The following FOXN3 variants were observed in gnomAD, a reference collection of about 807,000 sequenced individuals.
FOXN3 encodes forkhead box N3.
A neutral mutation model predicts 38.4 loss-of-function variants in FOXN3; 7 were observed. The observed-to-expected ratio is 0.18, with a 90% CI of 0.10 to 0.34. The LOEUF is 0.34. Ranked by LOEUF, FOXN3 falls within the 10% of genes least tolerant of loss-of-function variation. FOXN3 has a pLI of 1.00. For synonymous variants in FOXN3, 230 were observed against 242.2 expected (o/e 0.95, Z 0.47); for missense variants, 456 against 613.4 (o/e 0.74, Z 2.71).
At chr14:89,410,273 C>T (rs919947738) in intron 2 of FOXN3, among the ~76,000 whole-genome samples, 13 of 152,004 alleles carry the variant, frequency 8.6e-5, no homozygotes, top group African/African-American at 2.9e-4. Flanking sequence ...TGACATGTTG[C>T]CAGAGAGAAA....
chr14:89,433,708 G>A (rs1892213687), intron 1 of FOXN3, among the ~76,000 whole-genome samples: 1 of 151,144 alleles, frequency 6.6e-6, no homozygotes, highest in Non-Finnish European at 1.5e-5. Flanking sequence ...GGAGGCTGAG[G>A]CAGTAGAATC....
chr14:89,240,061 T>C (rs1298109097), intron 4 of FOXN3, among the ~76,000 whole-genome samples: 2 of 152,118 alleles, frequency 1.3e-5, no homozygotes, highest in African/African-American at 4.8e-5. Context: ...TTACTAAGTA[T>C]CAAAAAGATA....
At chr14:89,375,536 A>G (rs1164087745) in intron 2 of FOXN3, among the ~76,000 whole-genome samples, 1 of 152,230 alleles carries the variant, frequency 6.6e-6, no homozygotes, top group Non-Finnish European at 1.5e-5. Context: ...TAATAGCAAG[A>G]CAGTATAATT....
intron 4 of FOXN3, among the ~76,000 whole-genome samples, chr14:89,181,016 G>A (rs954967892): frequency 1.0e-3 from 152 of 149,254 alleles, no homozygotes; most frequent in African/African-American, 3.0e-3. Flanking sequence ...TCATGCACGC[G>A]CACACACACA....
chr14:89,359,900 G>A (rs531064220), intron 2 of FOXN3, among the ~76,000 whole-genome samples: 1 of 152,166 alleles, frequency 6.6e-6, no homozygotes, highest in Non-Finnish European at 1.5e-5. Flanking sequence ...GTTCTCTCAC[G>A]GATCCTTGAG....
At chr14:89,401,969 A>C (rs534400822) in intron 2 of FOXN3, among the ~76,000 whole-genome samples, 2 of 152,266 alleles carry the variant, frequency 1.3e-5, no homozygotes, top group South Asian at 4.1e-4. Flanking sequence ...TGCTGAGTTC[A>C]CAAGGAAAGG....
intron 4 of FOXN3, among the ~76,000 whole-genome samples, chr14:89,249,919 G>A (rs1021810893): frequency 2.0e-5 from 3 of 152,142 alleles, no homozygotes; most frequent in Non-Finnish European, 4.4e-5. Flanking sequence ...AATTTCAATG[G>A]CCATCAATAA....
At chr14:89,531,089 TAC>T (rs1035803346) in intron 1 of FOXN3, among the ~76,000 whole-genome samples, 99 of 146,388 alleles carry the variant, frequency 6.8e-4, no homozygotes, top group Non-Finnish European at 1.2e-3. Context: ...CACATATATA[TAC>T]ACACACATAT....
intron 1 of FOXN3, among the ~76,000 whole-genome samples, chr14:89,523,629 G>C (rs1894366464): frequency 6.6e-6 from 1 of 152,226 alleles, no homozygotes; most frequent in South Asian, 2.1e-4. Context: ...AGAAAAATCA[G>C]AAAGTACTTC....
At chr14:89,338,006 G>A (rs933418355) in intron 3 of FOXN3, among the ~76,000 whole-genome samples, 3 of 152,116 alleles carry the variant, frequency 2.0e-5, no homozygotes, top group African/African-American at 7.2e-5. Context: ...TCAACAGCCT[G>A]GAATTTATAA....
At chr14:89,192,309 TTATATATGATCATTAATAAAATA>T (rs1217686195) in intron 4 of FOXN3, among the ~76,000 whole-genome samples, 5 of 146,270 alleles carry the variant, frequency 3.4e-5, no homozygotes, top group East Asian at 3.9e-4. Flanking sequence ...ATGCATACTA[TTATATATGATCATTAATAAAATA>T]TATAGTTATA....
At chr14:89,514,397 C>T (rs1894161659) in intron 1 of FOXN3, among the ~76,000 whole-genome samples, 1 of 152,212 alleles carries the variant, frequency 6.6e-6, no homozygotes, top group Non-Finnish European at 1.5e-5. Context: ...ATCCACACCT[C>T]CTTCCTAAGG....
chr14:89,423,970 T>C (rs1277180257), intron 1 of FOXN3, among the ~76,000 whole-genome samples: 2 of 152,208 alleles, frequency 1.3e-5, no homozygotes, highest in Non-Finnish European at 2.9e-5. Context: ...GACTCCAGCC[T>C]ATTAGATTCA....
intron 5 of FOXN3, among the ~76,000 whole-genome samples, chr14:89,172,673 G>T (rs1158267867): frequency 1.3e-5 from 2 of 152,080 alleles, no homozygotes; most frequent in Non-Finnish European, 2.9e-5. Flanking sequence ...ATATGAAATA[G>T]GACCAAGAGT....
At chr14:89,300,332 G>A (rs968236254) in intron 3 of FOXN3, among the ~76,000 whole-genome samples, 8 of 151,920 alleles carry the variant, frequency 5.3e-5, no homozygotes, top group African/African-American at 1.9e-4. Flanking sequence ...ACAGGCACCC[G>A]CCATCATGCC....
At chr14:89,244,532 G>A (rs1370366086) in intron 4 of FOXN3, among the ~76,000 whole-genome samples, 3 of 152,150 alleles carry the variant, frequency 2.0e-5, no homozygotes, top group African/African-American at 4.8e-5. Flanking sequence ...TATAGGTTCT[G>A]GGCATATGCT....
chr14:89,489,254 A>C (rs1464043124), intron 1 of FOXN3, among the ~76,000 whole-genome samples: 1 of 152,166 alleles, frequency 6.6e-6, no homozygotes, highest in Non-Finnish European at 1.5e-5. Flanking sequence ...TGGAAATTTA[A>C]ATAAGAAAAT....
intron 1 of FOXN3, among the ~76,000 whole-genome samples, chr14:89,580,668 G>A (rs1895723054): frequency 6.6e-6 from 1 of 152,146 alleles, no homozygotes; most frequent in African/African-American, 2.4e-5. Flanking sequence ...TGTTCCCTAA[G>A]GATCTTGACC....
chr14:89,413,507 G>C (rs1891600050), intron 1 of FOXN3, among the ~76,000 whole-genome samples: 1 of 152,022 alleles, frequency 6.6e-6, no homozygotes, highest in African/African-American at 2.4e-5. Context: ...GGTGGCATGT[G>C]CCTGTAGTCC....
Sources: allele counts gnomAD v4.1 joint callset (sites outside exome capture counted in the v4.1 genomes callset), GRCh38; gene constraint gnomAD v4.1.1; transcripts MANE v1.5; gene names NCBI Gene and HGNC (gene_info 2026-07-23, HGNC 2026-07-21).